BRMS1L: variants seen among roughly 807,000 people sequenced by gnomAD.
BRMS1L encodes BRMS1 like transcriptional repressor.
BRMS1L carries 23 observed loss-of-function variants against 50.3 expected under a neutral mutation model. The observed-to-expected ratio is 0.46, with a 90% confidence interval of 0.33 to 0.65. The LOEUF is 0.65. Among genes scored for constraint, BRMS1L ranks in the 30% least tolerant of loss-of-function variants. The pLI, the probability that BRMS1L is intolerant of heterozygous loss-of-function variation, is 0.02. For missense variants in BRMS1L, 286 were observed against 386.1 expected (o/e 0.74, Z 2.17); for synonymous variants, 114 against 126.9 (o/e 0.90, Z 0.69).
intron 4 of BRMS1L, among the ~76,000 whole-genome samples, chr14:35,853,428 A>G (rs1258165815): frequency 6.6e-6 from 1 of 151,766 alleles, no homozygotes; most frequent in Non-Finnish European, 1.5e-5. Flanking sequence ...GATAATGATG[A>G]TTTTTTGAGA....
chr14:35,826,815 T>C (rs2077851518), intron 1 of BRMS1L, 157 bp downstream of exon 1: 4 of 1,066,172 alleles, frequency 3.8e-6, no homozygotes, highest in Non-Finnish European at 5.2e-6. Flanking sequence ...CCCTGACCGG[T>C]CGCTGGGCGC....
chr14:35,840,869 T>C (rs2078054338), intron 4 of BRMS1L, among the ~76,000 whole-genome samples: 1 of 150,382 alleles, frequency 6.6e-6, no homozygotes, highest in African/African-American at 2.5e-5. Context: ...CTCCAATCTT[T>C]GTTATTTCTT....
At chr14:35,860,593 A>AC (rs1376532116) in intron 4 of BRMS1L, among the ~76,000 whole-genome samples, 1 of 152,226 alleles carries the variant, frequency 6.6e-6, no homozygotes, top group Non-Finnish European at 1.5e-5. Flanking sequence ...AAAAAAAAAA[A>AC]AAAACTATTG....
intron 8 of BRMS1L, among the ~76,000 whole-genome samples, chr14:35,866,927 A>G (rs559513674): frequency 2.0e-5 from 3 of 152,204 alleles, no homozygotes; most frequent in South Asian, 4.1e-4. Flanking sequence ...ATTGTATCCT[A>G]TTAGTTTTAC....
intron 4 of BRMS1L, among the ~76,000 whole-genome samples, chr14:35,843,391 A>T (rs1008702224): frequency 1.3e-5 from 2 of 151,844 alleles, no homozygotes; most frequent in Non-Finnish European, 2.9e-5. Flanking sequence ...GTTGATGTTG[A>T]TGCTATTCCT....
At chr14:35,853,348 T>G (rs980714567) in intron 4 of BRMS1L, among the ~76,000 whole-genome samples, 26 of 152,198 alleles carry the variant, frequency 1.7e-4, no homozygotes, top group African/African-American at 6.3e-4. Flanking sequence ...ACTGGTAAAT[T>G]TAGTCCAATT....
intron 4 of BRMS1L, among the ~76,000 whole-genome samples, chr14:35,848,867 C>T (rs904489185): frequency 7.2e-5 from 11 of 152,118 alleles, no homozygotes; most frequent in African/African-American, 2.4e-4. Flanking sequence ...TTGATGGACA[C>T]TTAACATTTC....
chr14:35,840,707 G>T (rs2078052143), intron 4 of BRMS1L, among the ~76,000 whole-genome samples: 1 of 152,292 alleles, frequency 6.6e-6, no homozygotes, highest in African/African-American at 2.4e-5. Flanking sequence ...TGTGGGATCA[G>T]TGGTGATATC....
intron 8 of BRMS1L, among the ~76,000 whole-genome samples, chr14:35,866,889 G>T (rs1050380569): frequency 6.6e-6 from 1 of 152,106 alleles, no homozygotes; most frequent in Non-Finnish European, 1.5e-5. Context: ...ATAGTTGAGT[G>T]TGTCTCCCTC....
At position 35,834,860 on chromosome 14, in the gene BRMS1L, C is replaced by T. The variant is rs2077970627; in HGVS notation, c.378C>T (p.Leu126=). ...RTKVAGIYRE[L]CLESVKNKYE... ...TGGTTGCAGGAATCTATAGAGAGCTCTGCTTAGAATCTGTAAAGAACAAAT... is the reference window on the plus strand; with the variant it reads ...TGGTTGCAGGAATCTATAGAGAGCTTTGCTTAGAATCTGTAAAGAACAAAT... The change falls in exon 4 of 10, where the codon CTC becomes CTT. Residue 126 remains leucine, a synonymous_variant. Transcript: ENST00000216807. The T allele has an allele frequency of 1.3e-6, 2 of 1,581,006 alleles. No homozygotes were observed. The highest frequency in any genetic ancestry group is 4.6e-5 in the East Asian group (2 of 43,616).
At chr14:35,843,707 C>T (rs575996914) in intron 4 of BRMS1L, among the ~76,000 whole-genome samples, 5 of 152,346 alleles carry the variant, frequency 3.3e-5, no homozygotes, top group East Asian at 1.9e-4. Flanking sequence ...AGAGCTTGAG[C>T]GCTGTGCTGG....
intron 4 of BRMS1L, among the ~76,000 whole-genome samples, chr14:35,852,240 T>A (rs2078220247): frequency 6.6e-6 from 1 of 152,236 alleles, no homozygotes; most frequent in South Asian, 2.1e-4. Flanking sequence ...AATGTCTTGC[T>A]CTATCACTTA....
chr14:35,834,839 T>G lies in BRMS1L; in HGVS notation c.362-5T>G. On this transcript the variant is annotated splice_polypyrimidine_tract_variant and splice_region_variant and intron_variant, in intron 3 of 9. Transcript: ENST00000216807. ...CATAATCAGAGTAATTGTGTTTGGTTGCAGGAATCTATAGAGAGCTCTGCT... is the reference window on the plus strand; with the variant it reads ...CATAATCAGAGTAATTGTGTTTGGTGGCAGGAATCTATAGAGAGCTCTGCT... 2 of 1,543,796 alleles carry G rather than the reference T, an allele frequency of 1.3e-6. No homozygotes were observed. Among genetic ancestry groups the G allele is most frequent in the Non-Finnish European group, 1.7e-6 (2 of 1,145,994 alleles).
At position 35,871,714 on chromosome 14, in the gene BRMS1L, C is replaced by T. The variant is rs571020842; in HGVS notation, c.*1237C>T. On this transcript the variant is annotated 3_prime_UTR_variant, in exon 10 of 10. Transcript: ENST00000216807. ...TCCGTTTGTTTTCTTATTATTTTAC[C>T]TCTCCAAACATCTTCCTGTGCAGAT... The T allele has an allele frequency of 7.2e-5, 11 of 152,716 alleles. No homozygotes were observed. Among genetic ancestry groups the T allele is most frequent in the Admixed American group, 2.0e-4 (3 of 15,294 alleles). 9.5% of individuals were successfully genotyped at this position (152,716 alleles called of 1,614,324 possible).
intron 1 of BRMS1L, among the ~76,000 whole-genome samples, chr14:35,828,196 G>A (rs904670298): frequency 1.4e-4 from 22 of 151,858 alleles, no homozygotes; most frequent in Non-Finnish European, 2.9e-5. Context: ...TCTTTGAGAT[G>A]GAGTCTCGCT....
At chr14:35,851,036 G>T (rs886533355) in intron 4 of BRMS1L, among the ~76,000 whole-genome samples, 2 of 151,864 alleles carry the variant, frequency 1.3e-5, no homozygotes, top group Admixed American at 1.3e-4. Context: ...GCCTTTCCTG[G>T]TCTTGACATT....
At chr14:35,841,998 C>CTTTTTTT (rs574267347) in intron 4 of BRMS1L, among the ~76,000 whole-genome samples, 15 of 112,208 alleles carry the variant, frequency 1.3e-4, no homozygotes, top group African/African-American at 5.0e-4. Flanking sequence ...GCAATCTCTG[C>CTTTTTTT]TTTTTTTTTT....
At chr14:35,863,630 T>C (rs1292342443) in intron 5 of BRMS1L, among the ~76,000 whole-genome samples, 1 of 152,200 alleles carries the variant, frequency 6.6e-6, no homozygotes, top group Non-Finnish European at 1.5e-5. Flanking sequence ...TGCATGACAA[T>C]ATGGTAATCA....
At chr14:35,868,205 G>A (rs2078445601) in intron 9 of BRMS1L, among the ~76,000 whole-genome samples, 173 bp downstream of exon 9, 1 of 152,150 alleles carries the variant, frequency 6.6e-6, no homozygotes, top group Non-Finnish European at 1.5e-5. Context: ...TAATATGTAT[G>A]AACCAGACTT....
Sources: gnomAD v4.1 joint callset for allele counts (sites outside exome capture counted in the v4.1 genomes callset) on GRCh38, gnomAD v4.1.1 for gene constraint, MANE v1.5 for transcripts, NCBI Gene and HGNC (gene_info 2026-07-23, HGNC 2026-07-21) for gene names.